The following ASAP1 variants were observed in gnomAD, a reference collection of about 807,000 sequenced individuals.
ASAP1 encodes arf-GAP with SH3 domain, ANK repeat and PH domain-containing protein 1.
ASAP1 carries 43 observed loss-of-function variants against 145.2 expected under a neutral mutation model. The ratio of observed to expected loss-of-function variants is 0.30; its 90% CI spans 0.23 to 0.38. The LOEUF (loss-of-function observed/expected upper bound fraction) is 0.38. Among genes scored for constraint, ASAP1 ranks in the 10% least tolerant of loss-of-function variants. The pLI, the probability that ASAP1 is intolerant of heterozygous loss-of-function variation, is 1.00. For synonymous variants in ASAP1, 546 were observed against 515.5 expected (o/e 1.06, Z -0.80); for missense variants, 1,018 against 1,355.3 (o/e 0.75, Z 3.91).
At chr8:130,068,969 C>T (rs181327222) in intron 27 of ASAP1, among the ~76,000 whole-genome samples, 55 of 152,270 alleles carry the variant, frequency 3.6e-4, no homozygotes, top group African/African-American at 1.3e-3. Context: ...CTCAGCTTCC[C>T]TTCATGGGTC....
chr8:130,359,426 T>C (rs1479155680), intron 2 of ASAP1, among the ~76,000 whole-genome samples: 1 of 151,788 alleles, frequency 6.6e-6, no homozygotes, highest in African/African-American at 2.4e-5. Context: ...TGAGTATGAA[T>C]TTGGTTTAAA....
chr8:130,407,405 G>A (rs1305540500), intron 1 of ASAP1, among the ~76,000 whole-genome samples: 2 of 152,218 alleles, frequency 1.3e-5, no homozygotes, highest in Non-Finnish European at 2.9e-5. Flanking sequence ...GAAGCCCTCT[G>A]TGTGAATGGG....
intron 18 of ASAP1, among the ~76,000 whole-genome samples, chr8:130,121,784 C>CA (rs56996962): frequency 0.073 from 1,856 of 25,400 alleles, 566 homozygotes; most frequent in East Asian, 0.26. Context: ...AATTCCATCT[C>CA]AAAAAAAAAA....
chr8:130,362,398 C>T (rs1456467818), intron 2 of ASAP1, among the ~76,000 whole-genome samples: 1 of 152,212 alleles, frequency 6.6e-6, no homozygotes, highest in East Asian at 1.9e-4. Flanking sequence ...CTTTTTATTA[C>T]ATGGACCTGA....
At chr8:130,108,537 G>A (rs1434485696) in intron 24 of ASAP1, among the ~76,000 whole-genome samples, 3 of 152,058 alleles carry the variant, frequency 2.0e-5, no homozygotes, top group African/African-American at 4.8e-5. Context: ...GGTGGCTCAC[G>A]CCTGTAATCT....
intron 2 of ASAP1, among the ~76,000 whole-genome samples, chr8:130,380,353 G>T (rs749761862): frequency 1.3e-5 from 2 of 152,176 alleles, no homozygotes; most frequent in Non-Finnish European, 2.9e-5. Flanking sequence ...CTTGGCTGAG[G>T]GCTGCTCCTG....
At chr8:130,239,998 T>C (rs1031591803) in intron 3 of ASAP1, among the ~76,000 whole-genome samples, 3 of 152,108 alleles carry the variant, frequency 2.0e-5, no homozygotes, top group African/African-American at 7.2e-5. Context: ...GAATAACCTA[T>C]CGGTTATCTT....
At chr8:130,381,304 A>C (rs767744931) in intron 2 of ASAP1, among the ~76,000 whole-genome samples, 16 of 152,236 alleles carry the variant, frequency 1.1e-4, no homozygotes, top group African/African-American at 3.9e-4. Flanking sequence ...CTGGGATTAC[A>C]GCTATGAGCC....
chr8:130,168,431 G>A (rs1196548246), intron 10 of ASAP1, among the ~76,000 whole-genome samples: 2 of 152,154 alleles, frequency 1.3e-5, no homozygotes, highest in Non-Finnish European at 2.9e-5. Flanking sequence ...GATCACTTGA[G>A]CTCAGGAGTT....
chr8:130,068,263 G>C (rs1416596685), intron 27 of ASAP1, among the ~76,000 whole-genome samples: 1 of 152,170 alleles, frequency 6.6e-6, no homozygotes, highest in African/African-American at 2.4e-5. Context: ...CAGGACTTGA[G>C]GCTGGACTAA....
chr8:130,182,903 A>G (rs1586538935), intron 7 of ASAP1, among the ~76,000 whole-genome samples: 2 of 151,716 alleles, frequency 1.3e-5, no homozygotes, highest in African/African-American at 4.8e-5. Context: ...CAAAATAAAA[A>G]AGCTAACTGA....
chr8:130,314,421 G>A (rs1245136264), intron 3 of ASAP1, among the ~76,000 whole-genome samples: 1 of 152,190 alleles, frequency 6.6e-6, no homozygotes, highest in African/African-American at 2.4e-5. Context: ...GTATCATCAT[G>A]CCCATGTTAC....
At chr8:130,405,568 C>T (rs1187668696) in intron 1 of ASAP1, among the ~76,000 whole-genome samples, 1 of 152,194 alleles carries the variant, frequency 6.6e-6, no homozygotes, top group East Asian at 1.9e-4. Flanking sequence ...GAGCTTCACC[C>T]TTGTCAGCGA....
At chr8:130,289,610 G>T (rs886673244) in intron 3 of ASAP1, among the ~76,000 whole-genome samples, 2 of 152,174 alleles carry the variant, frequency 1.3e-5, no homozygotes, top group African/African-American at 4.8e-5. Context: ...TAAGTCAGCT[G>T]TTTATAACTT....
Position 130,078,348 on chromosome 8 carries a change from G to A in ASAP1, c.2642+1554C>T, listed in dbSNP as rs372070704. On this transcript the variant is annotated intron_variant, in intron 26 of 29. Transcript: ENST00000518721. ...GTCTTGCTGTCGCCCCGGATGGAGT[G>A]CAGAGGTGCGATCATGACTCACTGC... is the stretch of plus-strand genomic sequence containing the variant. Among the ~76,000 whole-genome samples, 10 of 152,032 alleles carry A rather than the reference G, an allele frequency of 6.6e-5. No homozygotes were observed. The East Asian group carries it at 7.7e-4, about 12-fold the overall frequency.
rs117019764 is a variant in ASAP1 at position 130,060,583 on chromosome 8, T to C, written c.3188A>G (p.Asn1063Ser). ...ETPVPLPRKI[N>S]TGKNKVRRVK... is the part of the protein sequence containing the mutation. ...CCTGAACATTGTCCCACCCACCGTA[T>C]TGATTTTTCTGGGCAGTGGTACGGG... is the stretch of plus-strand genomic sequence containing the variant. The change falls in exon 28 of 30, where the codon AAT becomes AGT. Residue 1063 changes from asparagine (N) to serine (S), a missense_variant. By Grantham distance (46) the Asn-to-Ser change is conservative (BLOSUM62 1). Around this residue, in one of 9 missense-constraint regions of ASAP1, gnomAD observed 62 missense variants for 97.8 expected, o/e 0.63. Transcript: ENST00000518721. 4.2e-3 allele frequency: 6,815 copies of C among 1,608,862 alleles called. 18 individuals carry two copies. The highest frequency in any genetic ancestry group is 5.0e-3 in the Non-Finnish European group (5,870 of 1,177,254).
At chr8:130,402,018 C>T (rs1473046158) in intron 1 of ASAP1, 48 bp from the exon 2 acceptor site, 2 of 1,290,182 alleles carry the variant, frequency 1.6e-6, no homozygotes, top group African/African-American at 2.9e-5. Context: ...TCCGGTGAAA[C>T]TGGGCAGAAG....
At chr8:130,087,970 T>C (rs2097497325) in intron 25 of ASAP1, among the ~76,000 whole-genome samples, 1 of 152,070 alleles carries the variant, frequency 6.6e-6, no homozygotes. Flanking sequence ...ATATTTTGCA[T>C]GTGGGTTGGA....
intron 2 of ASAP1, among the ~76,000 whole-genome samples, chr8:130,360,311 T>A (rs943154349): frequency 1.7e-4 from 26 of 152,344 alleles, no homozygotes; most frequent in Admixed American, 1.0e-3. Context: ...AATCCTGTTG[T>A]CTATGGCATC....
Sources: gnomAD v4.1 joint callset for allele counts (sites outside exome capture counted in the v4.1 genomes callset) on GRCh38, gnomAD v4.1.1 for gene constraint, gnomAD v4.1.1 regional missense constraint, MANE v1.5 for transcripts, NCBI Gene and HGNC (gene_info 2026-07-23, HGNC 2026-07-21) for gene names.